Variants in EXD3 observed in about 807,000 individuals in gnomAD.
The protein encoded by EXD3 is exonuclease mut-7 homolog.
A neutral mutation model predicts 98.0 loss-of-function variants in EXD3; 92 were observed. The ratio of observed to expected loss-of-function variants is 0.94; its 90% CI spans 0.79 to 1.12. The LOEUF is 1.12. Ranked by LOEUF, EXD3 falls within the 50% of genes most tolerant of loss-of-function variation. The pLI is 0.00. For synonymous variants in EXD3, 569 were observed against 526.0 expected, an observed-to-expected ratio of 1.08 and a Z score of -1.12; for missense variants, 1,222 against 1,191.6, an observed-to-expected ratio of 1.03 and a Z score of -0.38.
Position 137,351,320 on chromosome 9 carries a change from A to T in EXD3, c.1382T>A (p.Leu461Gln). 6.2e-7 allele frequency: 1 copy of T among 1,611,076 alleles called. No homozygotes were observed. The highest frequency in any genetic ancestry group is 1.1e-5 in the South Asian group (1 of 90,824). ...QLLSDPSITK[L>Q]GYGMVGDLQK... ...GGGGGCCCCAGGGCTTCACTCACCC[A>T]GCTTGGTGATAGAGGGGTCCGAGAG... Residue 461 changes from leucine to glutamine, a missense_variant and splice_region_variant, in exon 13 of 22, where the codon CTG becomes CAG. Coordinates refer to ENST00000340951, the MANE Select transcript of EXD3 (RefSeq NM_017820.5).
chr9:137,358,858 G>C (rs977393569), intron 7 of EXD3, among the ~76,000 whole-genome samples: 7 of 151,316 alleles, frequency 4.6e-5, no homozygotes, highest in African/African-American at 1.7e-4. Flanking sequence ...GCTAATTTTT[G>C]TATTTTTTGT....
chr9:137,312,790 G>A (rs924062711), intron 19 of EXD3, among the ~76,000 whole-genome samples: 3 of 152,132 alleles, frequency 2.0e-5, no homozygotes, highest in Admixed American at 6.5e-5. Context: ...CCACACCCAC[G>A]AGTAGGCCCA....
At chr9:137,348,870 G>A (rs938727707) in intron 16 of EXD3, among the ~76,000 whole-genome samples, 3 of 151,876 alleles carry the variant, frequency 2.0e-5, no homozygotes, top group African/African-American at 4.8e-5. Flanking sequence ...GTATCAGGAG[G>A]GGACTGGGGC....
At chr9:137,328,677 C>CA (rs1201236141) in intron 17 of EXD3, among the ~76,000 whole-genome samples, 2 of 72,706 alleles carry the variant, frequency 2.8e-5, no homozygotes, top group Non-Finnish European at 5.1e-5. Flanking sequence ...CGGGACTACA[C>CA]GGGGCTACAC....
rs1835272636 is a variant in EXD3 at position 137,366,610 on chromosome 9, T to C, written c.539A>G (p.Gln180Arg). 6.4e-7 allele frequency: 1 copy of C among 1,557,712 alleles called. No homozygotes were observed. Among genetic ancestry groups the C allele is most frequent in the Non-Finnish European group, 8.7e-7 (1 of 1,151,954 alleles). Residue 180 changes from glutamine (Q) to arginine (R), a missense_variant, in exon 7 of 22, where the codon CAG (glutamine) becomes CGG (arginine). By Grantham distance (43) the Gln-to-Arg change is conservative. Coordinates refer to ENST00000340951, the MANE Select transcript of EXD3 (RefSeq NM_017820.5). Reference sequence around the variant, plus strand: ...GCGCTCCACGAGGGCCACCTTGTCCTGGAGGAGCAGTGGGATGCTCATCTG... The same window carrying C: ...GCGCTCCACGAGGGCCACCTTGTCCCGGAGGAGCAGTGGGATGCTCATCTG... ...VEKMSIPLLL[Q>R]DKVALVERYV...
chr9:137,362,799 TTTG>T (rs955745887), intron 7 of EXD3, among the ~76,000 whole-genome samples: 30 of 152,234 alleles, frequency 2.0e-4, no homozygotes, highest in African/African-American at 6.3e-4. Context: ...CTTCTCAGTC[TTTG>T]TTGTTGTTGT....
rs573057081 is a variant in EXD3 at position 137,357,581 on chromosome 9, C to T, written c.657-1213G>A. Among the ~76,000 whole-genome samples, 3 of 151,968 alleles carry T rather than the reference C, an allele frequency of 2.0e-5. No homozygotes were observed. In the South Asian group the frequency reaches 6.2e-4, roughly 32 times the overall value. ...AGCTCTTTCTGTGGGGCCCCCATCT[C>T]CACTTCACAGACGCAGTATCTTAGT... On this transcript the variant is annotated intron_variant, in intron 7 of 21. Coordinates refer to ENST00000340951, the MANE Select transcript of EXD3 (RefSeq NM_017820.5).
rs1834784006 is a variant in EXD3 at position 137,356,299 on chromosome 9, C to T, written c.726G>A (p.Leu242=). Residue 242 remains leucine (L), a synonymous_variant, in exon 8 of 22, where the codon TTG becomes TTA. Coordinates refer to ENST00000340951, the MANE Select transcript of EXD3 (RefSeq NM_017820.5). ...CTACGCCGTACCGCTCCTGCAGACG[C>T]AAGACCTGCCTGCTCAGCGCCTTCG... ...LSPKALSRQV[L]RLQERYGVAP... 2 of 1,604,552 alleles carry T rather than the reference C, an allele frequency of 1.2e-6. No homozygotes were observed. The highest frequency in any genetic ancestry group is 1.7e-6 in the Non-Finnish European group (2 of 1,176,164).
At chr9:137,340,199 G>A (rs551929103) in intron 17 of EXD3, among the ~76,000 whole-genome samples, 39 of 152,258 alleles carry the variant, frequency 2.6e-4, no homozygotes, top group African/African-American at 8.2e-4. Context: ...TGAAAGAGGC[G>A]GGGCGTGGTG....
intron 19 of EXD3, among the ~76,000 whole-genome samples, chr9:137,314,190 C>T (rs773510421): frequency 2.6e-5 from 4 of 152,202 alleles, no homozygotes; most frequent in Non-Finnish European, 5.9e-5. Context: ...ACCTGCCCGC[C>T]GAGGCCTGGG....
rs907816887 is a variant in EXD3, at chr9:137,385,361, C to A, written c.56-1984G>T. Among the ~76,000 whole-genome samples the A allele has an allele frequency of 6.6e-6, 1 of 151,944 alleles. No homozygotes were observed. The highest frequency in any genetic ancestry group is 1.5e-5 in the Non-Finnish European group (1 of 67,986). On this transcript the variant is annotated intron_variant, in intron 2 of 21. Coordinates refer to ENST00000340951, the MANE Select transcript of EXD3 (RefSeq NM_017820.5). The surrounding 1 kb of genome is among the most constrained non-coding windows in gnomAD (Gnocchi z 4.4). Reference sequence around the variant, plus strand: ...GGCCATGGCAGGCAGTGTGACTGGCCCCGCATTCTGGGTGCTGCATGCTGG... The same window carrying A: ...GGCCATGGCAGGCAGTGTGACTGGCACCGCATTCTGGGTGCTGCATGCTGG...
chr9:137,315,371 C>T lies in EXD3; in HGVS notation c.2185-5671G>A, dbSNP rs569328030. ...CTGCCTTTGCCCACCTCCTCCCAGCCTGCACCCCCACCGCCACCGCCGGAG... is the reference window on the plus strand; with the variant it reads ...CTGCCTTTGCCCACCTCCTCCCAGCTTGCACCCCCACCGCCACCGCCGGAG... On this transcript the variant is annotated intron_variant, in intron 19 of 21. Coordinates refer to ENST00000340951, the MANE Select transcript of EXD3 (RefSeq NM_017820.5). 9.7e-3 allele frequency among the ~76,000 whole-genome samples: 1,478 copies of T among 152,352 alleles called. 32 individuals are homozygous for T. The highest frequency in any genetic ancestry group is 0.034 in the African/African-American group (1,404 of 41,592).
chr9:137,352,749 AG>A lies in EXD3; in HGVS notation c.907del (p.Leu303CysfsTer54). 3.2e-6 allele frequency: 5 copies of A among 1,578,096 alleles called. No homozygotes were observed. The highest frequency in any genetic ancestry group is 4.3e-6 in the Non-Finnish European group (5 of 1,163,872). ...VGQSPWLQEQ[L>X]SQLLVSHSDP... ...ACTGTGGGAGACCAGCAGCTGAGACAGCTGCTCCTGAAGCCACGGGCTCTGC... is the reference window on the plus strand; with the variant it reads ...ACTGTGGGAGACCAGCAGCTGAGACACTGCTCCTGAAGCCACGGGCTCTGC... On this transcript the variant is annotated frameshift_variant, in exon 11 of 22. Transcript: ENST00000340951. LOFTEE classifies it high-confidence loss of function.
intron 1 of EXD3, among the ~76,000 whole-genome samples, chr9:137,409,673 T>C (rs938604435): frequency 1.3e-5 from 2 of 152,156 alleles, no homozygotes; most frequent in African/African-American, 4.8e-5. Context: ...TGACTGAGAA[T>C]GGAAACGGCT....
chr9:137,351,615 A>G (rs1564502552), intron 12 of EXD3, 87 bp from the exon 13 acceptor site: 1 of 1,311,436 alleles, frequency 7.6e-7, no homozygotes, highest in East Asian at 2.5e-5. Context: ...CAGCTCTGTG[A>G]GCTTGGGCTT....
At position 137,354,532 on chromosome 9, in the gene EXD3, T is replaced by C. The variant is rs1834506793; in HGVS notation, c.832-155A>G. 4 of 1,535,106 alleles carry C rather than the reference T, an allele frequency of 2.6e-6. No individual in the cohort carries two copies. In the East Asian group the frequency reaches 7.3e-5, roughly 28 times the overall value. On this transcript the variant is annotated intron_variant, in intron 9 of 21. Transcript: ENST00000340951. ...GCCACAGCCCAGAGCCAGGGCCCCA[T>C]GGCCTCCCCTTCACCCAGGCCTGGC...
intron 19 of EXD3, among the ~76,000 whole-genome samples, chr9:137,318,477 TG>T (rs897486326): frequency 1.3e-5 from 2 of 150,370 alleles, no homozygotes; most frequent in Non-Finnish European, 3.0e-5. Flanking sequence ...TCAACCATGC[TG>T]GGGGGGTGGG....
At chr9:137,355,294 C>A (rs550135023) in intron 8 of EXD3, among the ~76,000 whole-genome samples, 1 of 152,116 alleles carries the variant, frequency 6.6e-6, no homozygotes, top group Non-Finnish European at 1.5e-5. Context: ...CCCCAGGGTG[C>A]GGCAGCCAGT....
intron 17 of EXD3, among the ~76,000 whole-genome samples, chr9:137,340,701 T>A (rs552095942): frequency 2.4e-4 from 37 of 152,060 alleles, no homozygotes; most frequent in African/African-American, 8.4e-4. Context: ...CTATTTTTTT[T>A]AAGAAATAAT....
Sources: allele counts gnomAD v4.1 joint callset (sites outside exome capture counted in the v4.1 genomes callset), GRCh38; gene constraint gnomAD v4.1.1; non-coding constraint Gnocchi (gnomAD v3.1); transcripts MANE v1.5; gene names NCBI Gene and HGNC (gene_info 2026-07-23, HGNC 2026-07-21).